Variants in PDE4D observed in about 807,000 individuals in gnomAD.
PDE4D encodes 3',5'-cyclic-AMP phosphodiesterase 4D.
Under a neutral mutation model 87.4 loss-of-function variants are expected in PDE4D, and 24 were observed. That is an observed-to-expected ratio of 0.27 (90% CI 0.20 to 0.39). The LOEUF (loss-of-function observed/expected upper bound fraction) is 0.39, where lower values mean the gene tolerates loss of function less well. Among genes scored for constraint, PDE4D ranks in the 10% least tolerant of loss-of-function variants. The pLI is 1.00. For synonymous variants in PDE4D, 384 were observed against 383.2 expected, an observed-to-expected ratio of 1.00 and a Z score of -0.02; for missense variants, 714 against 1,041.0, an observed-to-expected ratio of 0.69 and a Z score of 4.32.
intron 1 of PDE4D, among the ~76,000 whole-genome samples, chr5:59,415,007 G>A (rs2153623247): frequency 6.6e-6 from 1 of 152,330 alleles, no homozygotes; most frequent in Admixed American, 6.5e-5. Context: ...CTCAGTAGCA[G>A]CATCCAGAGG....
At position 59,711,839 on chromosome 5, in the gene PDE4D, A is replaced by AT. The variant is rs1257466689; in HGVS notation, c.455+181328dup. On this transcript the variant is annotated intron_variant, in intron 1 of 14. Coordinates refer to ENST00000340635, the MANE Select transcript of PDE4D (RefSeq NM_001104631.2). ...CTTATAAAGGTTATATAATGTTCAGATCTTATTCATTAGCAACTCTCATGA... is the reference window on the plus strand; with the variant it reads ...CTTATAAAGGTTATATAATGTTCAGATTCTTATTCATTAGCAACTCTCATGA... Among the ~76,000 whole-genome samples the AT allele has an allele frequency of 2.0e-5, 3 of 152,268 alleles. No individual in the cohort carries two copies. In the East Asian group the frequency reaches 5.8e-4, roughly 29 times the overall value.
chr5:60,091,186 A>C (rs373030511), intron 2 of PDE4D, among the ~76,000 whole-genome samples: 37 of 152,316 alleles, frequency 2.4e-4, no homozygotes, highest in African/African-American at 8.9e-4. Flanking sequence ...CAGCACAACA[A>C]TGTAAATGAT....
intron 1 of PDE4D, among the ~76,000 whole-genome samples, chr5:59,584,896 A>G (rs1554035643): frequency 6.6e-6 from 1 of 152,224 alleles, no homozygotes; most frequent in Non-Finnish European, 1.5e-5. Context: ...ACTACGTGCC[A>G]GGAACTGTTT....
At chr5:59,447,073 G>A (rs925185805) in intron 1 of PDE4D, among the ~76,000 whole-genome samples, 1 of 152,208 alleles carries the variant, frequency 6.6e-6, no homozygotes, top group African/African-American at 2.4e-5. Context: ...TGCTACATCT[G>A]CAGTTTACTA....
intron 5 of PDE4D, among the ~76,000 whole-genome samples, chr5:59,072,417 C>T (rs1321662699): frequency 6.6e-6 from 1 of 152,118 alleles, no homozygotes; most frequent in Non-Finnish European, 1.5e-5. Context: ...ATTTAAAAAG[C>T]CTTGTGTTAT....
At chr5:60,069,653 GA>G (rs1228631622) in intron 2 of PDE4D, among the ~76,000 whole-genome samples, 1 of 151,558 alleles carries the variant, frequency 6.6e-6, no homozygotes, top group Non-Finnish European at 1.5e-5. Context: ...TTTCAAGATT[GA>G]TTTGGTTATT....
chr5:60,215,804 AAGTT>A (rs1214333937), intron 1 of PDE4D, among the ~76,000 whole-genome samples: 5 of 152,138 alleles, frequency 3.3e-5, no homozygotes, highest in Non-Finnish European at 7.4e-5. Flanking sequence ...ACACATGTTA[AAGTT>A]TGAGAATCAC....
intron 1 of PDE4D, among the ~76,000 whole-genome samples, chr5:59,672,037 T>C (rs1033478257): frequency 6.6e-6 from 1 of 152,138 alleles, no homozygotes; most frequent in Non-Finnish European, 1.5e-5. Flanking sequence ...TAGCACACTC[T>C]TGAAGATGAG....
chr5:59,918,261 T>G (rs1325071220), intron 3 of PDE4D, among the ~76,000 whole-genome samples: 1 of 152,220 alleles, frequency 6.6e-6, no homozygotes, highest in Admixed American at 6.5e-5. Flanking sequence ...GTGTGTATTT[T>G]TTTTTTAAAG....
chr5:59,615,764 T>C (rs562896018), intron 1 of PDE4D, among the ~76,000 whole-genome samples: 2 of 152,164 alleles, frequency 1.3e-5, no homozygotes, highest in Non-Finnish European at 2.9e-5. Flanking sequence ...AGTTTAAAAT[T>C]CTTTATACTG....
intron 5 of PDE4D, among the ~76,000 whole-genome samples, chr5:59,072,618 G>T (rs1393625906): frequency 1.3e-5 from 2 of 151,978 alleles, no homozygotes; most frequent in Non-Finnish European, 2.9e-5. Flanking sequence ...CTTTGTCCTT[G>T]TCATTTATGC....
At chr5:60,241,979 A>G (rs77468337) in intron 1 of PDE4D, among the ~76,000 whole-genome samples, 1,679 of 152,252 alleles carry the variant, frequency 0.011, 33 homozygotes, top group African/African-American at 0.038. Flanking sequence ...GTGAAACCTT[A>G]AAGACCAGGA....
chr5:60,018,641 G>A (rs1449594482), intron 2 of PDE4D, among the ~76,000 whole-genome samples: 1 of 152,142 alleles, frequency 6.6e-6, no homozygotes, highest in African/African-American at 2.4e-5. Flanking sequence ...AGGGATGGAG[G>A]ATAATTTACC....
intron 1 of PDE4D, chr5:59,528,856 AC>A (rs1813637837): frequency 3.5e-6 from 1 of 287,696 alleles, no homozygotes; most frequent in Non-Finnish European, 7.0e-6. Flanking sequence ...GTGCTGGGTC[AC>A]CAAAATGTCA....
intron 1 of PDE4D, among the ~76,000 whole-genome samples, chr5:60,234,941 C>T (rs952498608): frequency 3.3e-5 from 5 of 151,784 alleles, no homozygotes; most frequent in African/African-American, 1.2e-4. Context: ...AAATTGACGT[C>T]CTGTTGCTAA....
chr5:59,265,528 A>G (rs1393635142), intron 1 of PDE4D, among the ~76,000 whole-genome samples: 1 of 152,118 alleles, frequency 6.6e-6, no homozygotes, highest in Non-Finnish European at 1.5e-5. Flanking sequence ...GATTATTTAG[A>G]AAGTCATACC....
chr5:59,876,212 G>A (rs1385465200), intron 1 of PDE4D, among the ~76,000 whole-genome samples: 1 of 152,132 alleles, frequency 6.6e-6, no homozygotes, highest in African/African-American at 2.4e-5. Flanking sequence ...ACGGTCTGTT[G>A]AAAAGATTAA....
chr5:60,218,590 A>C (rs1435717570), intron 1 of PDE4D, among the ~76,000 whole-genome samples: 2 of 152,090 alleles, frequency 1.3e-5, no homozygotes, highest in Non-Finnish European at 2.9e-5. Context: ...CAAAAGTGTA[A>C]GAGCCCAGAA....
intron 1 of PDE4D, among the ~76,000 whole-genome samples, chr5:60,356,552 A>G (rs1051018649): frequency 1.3e-5 from 2 of 152,168 alleles, no homozygotes; most frequent in African/African-American, 4.8e-5. Context: ...TCTACCTATG[A>G]TTAAAAATGT....
Sources: allele counts gnomAD v4.1 joint callset (sites outside exome capture counted in the v4.1 genomes callset), GRCh38; gene constraint gnomAD v4.1.1; transcripts MANE v1.5; gene names NCBI Gene and HGNC (gene_info 2026-07-23, HGNC 2026-07-21).